Variants in LRP4 observed in about 807,000 individuals in gnomAD.
LRP4 encodes the protein LDL receptor related protein 4, also known as low-density lipoprotein receptor-related protein 4.
Under a neutral mutation model 220.3 loss-of-function variants are expected in LRP4, and 95 were observed. The observed-to-expected ratio is 0.43, with a 90% CI of 0.37 to 0.51. LRP4 has a LOEUF of 0.51. Ranked by LOEUF, LRP4 falls within the 20% of genes least tolerant of loss-of-function variation. LRP4 has a pLI of 0.00. For missense variants in LRP4, 1,925 were observed against 2,567.0 expected, an observed-to-expected ratio of 0.75 and a Z score of 5.40; for synonymous variants, 903 against 954.6, an observed-to-expected ratio of 0.95 and a Z score of 1.00.
chr11:46,899,308 C>G lies in LRP4; in HGVS notation c.547+79G>C. 8.4e-7 allele frequency: 1 copy of G among 1,193,882 alleles called. No individual in the cohort carries two copies. Among genetic ancestry groups the G allele is most frequent in the Non-Finnish European group, 1.3e-6 (1 of 799,734 alleles). The allele number at this position is 1,193,882 out of a possible 1,614,324, so 74.0% of individuals were successfully genotyped here. A position where few individuals can be genotyped will look rare whatever the true frequency, so the allele number is the denominator to read the frequency against. On this transcript the variant is annotated intron_variant, in intron 5 of 37. Coordinates refer to ENST00000378623, the MANE Select transcript of LRP4 (RefSeq NM_002334.4). This position sits in a 1 kb window ranked among gnomAD's most constrained non-coding sequence, Gnocchi z 5.9. ...GCTCCTTGCCCTTGGTACATGCACT[C>G]CTCAGCCTCGCCCTTAGCCAATGGG... is the stretch of plus-strand genomic sequence containing the variant.
intron 36 of LRP4, 125 bp from the exon 37 acceptor site, chr11:46,862,872 T>A: frequency 2.5e-6 from 2 of 799,348 alleles, no homozygotes; most frequent in East Asian, 2.7e-5. Context: ...TTCCTGGTAC[T>A]CATGCCCTTA....
Position 46,877,250 on chromosome 11 carries a change from T to C in LRP4, c.3226A>G (p.Ile1076Val), listed in dbSNP as rs1318172261. The C allele has an allele frequency of 6.2e-7, 1 of 1,613,798 alleles. No homozygotes were observed. The highest frequency in any genetic ancestry group is 1.3e-5 in the African/African-American group (1 of 74,876). Reference sequence around the variant, plus strand: ...ATGGTGTTCTTCATGGTAATGTTGATTGGTACCACCACATCAGCAAAATAA... The same window carrying C: ...ATGGTGTTCTTCATGGTAATGTTGACTGGTACCACCACATCAGCAAAATAA... ...IPYFADVVVP[I>V]NITMKNTIAI... Residue 1076 changes from isoleucine (I) to valine (V), a missense_variant, in exon 23 of 38, where the codon ATC becomes GTC. Coordinates refer to ENST00000378623, the MANE Select transcript of LRP4 (RefSeq NM_002334.4).
Position 46,868,017 on chromosome 11 carries a change from G to A in LRP4, c.5049C>T (p.Thr1683=), listed in dbSNP as rs1261623404. ...CCTCCAGAGACGTGCGGGTCCGGGT[G>A]GTTGAAGAATACAAGGTGGTAGGTG... ...NTPPTTLYSS[T]TRTRTSLEEV... Residue 1683 remains threonine (T), a synonymous_variant, in exon 34 of 38, where the codon ACC becomes ACT. Transcript: ENST00000378623. 9 of 1,614,032 alleles carry A rather than the reference G, an allele frequency of 5.6e-6. No individual in the cohort carries two copies. The highest frequency in any genetic ancestry group is 1.7e-5 in the Admixed American group (1 of 60,004).
chr11:46,901,115 C>A (rs1941657693), intron 2 of LRP4, among the ~76,000 whole-genome samples: 1 of 152,106 alleles, frequency 6.6e-6, no homozygotes, highest in Non-Finnish European at 1.5e-5. Context: ...GTTTTATAGT[C>A]CTTCCTTACT....
chr11:46,866,607 T>C (rs1027837796), intron 34 of LRP4, among the ~76,000 whole-genome samples: 3 of 152,126 alleles, frequency 2.0e-5, no homozygotes, highest in Non-Finnish European at 4.4e-5. Context: ...TTATAAAATA[T>C]AAATGGAAAA....
At chr11:46,908,172 C>T (rs1402354106) in intron 1 of LRP4, among the ~76,000 whole-genome samples, 5 of 152,100 alleles carry the variant, frequency 3.3e-5, no homozygotes, top group African/African-American at 9.7e-5. Context: ...CCTCATGATC[C>T]GCCCACCTCG....
intron 7 of LRP4, among the ~76,000 whole-genome samples, chr11:46,897,347 T>TC (rs397732269): frequency 1.3e-4 from 18 of 141,984 alleles, no homozygotes; most frequent in Admixed American, 8.1e-4. Flanking sequence ...TTTTTTTTTT[T>TC]CTTTTTATTT....
Position 46,889,990 on chromosome 11 carries a change from G to A in LRP4, c.2046C>T (p.His682=). The A allele has an allele frequency of 6.2e-7, 1 of 1,614,206 alleles. No homozygotes were observed. The highest frequency in any genetic ancestry group is 8.5e-7 in the Non-Finnish European group (1 of 1,180,046). ...GCAAGGTGTGGATGTCCATAGGGAA[G>A]TGGAGTTTGTTGCGAATGATTTCCT... ...KNQEIIRNKL[H]FPMDIHTLHP... is the part of the protein sequence containing the mutation. Residue 682 remains histidine (H), a synonymous_variant, in exon 15 of 38, where the codon CAC becomes CAT. Transcript: ENST00000378623.
intron 10 of LRP4, 22 bp downstream of exon 10, chr11:46,895,862 T>A (rs1223813207): frequency 6.2e-7 from 1 of 1,609,998 alleles, no homozygotes; most frequent in Non-Finnish European, 8.5e-7. Context: ...CCGACTCTGC[T>A]GCAAACCAGG....
At chr11:46,862,052 G>A (rs1479528423) in intron 37 of LRP4, among the ~76,000 whole-genome samples, 4 of 103,940 alleles carry the variant, frequency 3.8e-5, no homozygotes, top group Non-Finnish European at 7.0e-5. Flanking sequence ...TGGGCAACAA[G>A]AGCGAAACTC....
At position 46,879,310 on chromosome 11, in the gene LRP4, C is replaced by T; in HGVS notation, c.2820G>A (p.Leu940=). 9 of 1,614,056 alleles carry T rather than the reference C, an allele frequency of 5.6e-6. No individual in the cohort carries two copies. The highest frequency in any genetic ancestry group is 7.6e-6 in the Non-Finnish European group (9 of 1,180,034). ...ATGGGTGGGGGAGCTGGCTTCCAAT[C>T]AGCACCTGCCAGGGCCCCAACACTG... ...AGLDGSKRKV[L]IGSQLPHPFG... Residue 940 remains leucine (L), a synonymous_variant, in exon 21 of 38, where the codon CTG becomes CTA. Transcript: ENST00000378623.
At chr11:46,888,616 T>A (rs573912338) in intron 16 of LRP4, among the ~76,000 whole-genome samples, 1 of 148,044 alleles carries the variant, frequency 6.8e-6, no homozygotes, top group East Asian at 2.0e-4. Context: ...AGGTTCTTAG[T>A]TAATATGTGT....
chr11:46,862,688 G>A lies in LRP4; in HGVS notation c.5303C>T (p.Ser1768Phe). Residue 1768 changes from serine (S) to phenylalanine (F), a missense_variant, in exon 37 of 38, where the codon TCC becomes TTC. This residue lies in a region of LRP4 where 1,244 missense variants were observed against 1,624.9 expected (regional missense o/e 0.77). Coordinates refer to ENST00000378623, the MANE Select transcript of LRP4 (RefSeq NM_002334.4). ...CACTTCCTGTGTGGATGTTCGGTAGGAGGGGTTGCTGTAGGTGAGGTTCCC... is the reference window on the plus strand; with the variant it reads ...CACTTCCTGTGTGGATGTTCGGTAGAAGGGGTTGCTGTAGGTGAGGTTCCC... Reference protein sequence around the residue: ...GMGNLTYSNPSYRTSTQEVKI... With the variant: ...GMGNLTYSNPFYRTSTQEVKI... The A allele has an allele frequency of 1.2e-6, 2 of 1,613,966 alleles. No homozygotes were observed. Among genetic ancestry groups the A allele is most frequent in the Non-Finnish European group, 1.7e-6 (2 of 1,179,928 alleles).
In LRP4 at chr11:46,913,527, G is replaced by A. The variant is rs201326162; in HGVS notation, c.52+4801C>T. ...CTGACAGGCTTCCTGATTGAAAATG[G>A]TAGCTGCGAAGGCTCCACAACAGCC... On this transcript the variant is annotated intron_variant, in intron 1 of 37. Coordinates refer to ENST00000378623, the MANE Select transcript of LRP4 (RefSeq NM_002334.4). Among the ~76,000 whole-genome samples the A allele has an allele frequency of 2.6e-5, 4 of 152,196 alleles. No individual in the cohort carries two copies. In the East Asian group the frequency reaches 5.8e-4, roughly 22 times the overall value.
chr11:46,895,550 C>A (rs1207031297), intron 10 of LRP4, among the ~76,000 whole-genome samples: 1 of 152,074 alleles, frequency 6.6e-6, no homozygotes, highest in Non-Finnish European at 1.5e-5. Context: ...CACTGCACTC[C>A]AGCCTGGGCG....
intron 20 of LRP4, among the ~76,000 whole-genome samples, 196 bp from the exon 21 acceptor site, chr11:46,879,511 C>T (rs987035516): frequency 6.6e-6 from 1 of 152,206 alleles, no homozygotes. Context: ...CTCTAAGGGT[C>T]GTGTGATGGT....
At position 46,918,072 on chromosome 11, in the gene LRP4, G is replaced by A. The variant is rs1271858704; in HGVS notation, c.52+256C>T. 6.6e-6 allele frequency among the ~76,000 whole-genome samples: 1 copy of A among 152,108 alleles called. No homozygotes were observed. Among genetic ancestry groups the A allele is most frequent in the African/African-American group, 2.4e-5 (1 of 41,414 alleles). On this transcript the variant is annotated intron_variant, in intron 1 of 37. Coordinates refer to ENST00000378623, the MANE Select transcript of LRP4 (RefSeq NM_002334.4). This position sits in a 1 kb window ranked among gnomAD's most constrained non-coding sequence, Gnocchi z 6.0. ...GGAGGGCGAGCGAACGAACGCCCCG[G>A]ACCTTACCCGCGCCCCGGCCCAGAC... is the stretch of plus-strand genomic sequence containing the variant.
rs144147744 is a variant in LRP4, at chr11:46,880,605, G to A, written c.2814+1097C>T. On this transcript the variant is annotated intron_variant, in intron 20 of 37. Coordinates refer to ENST00000378623, the MANE Select transcript of LRP4 (RefSeq NM_002334.4). The stretch of plus-strand genomic sequence containing the variant: ...GGCACTACACTCCTGCCTGGGCCAC[G>A]GAGTGAGTGTCTAAAAATAAATAAA... Among the ~76,000 whole-genome samples the A allele has an allele frequency of 4.7e-3, 717 of 151,884 alleles. 5 individuals carry two copies. Among genetic ancestry groups the A allele is most frequent in the African/African-American group, 0.016 (682 of 41,422 alleles).
At chr11:46,876,869 G>T (rs377691337) in intron 23 of LRP4, 39 bp from the exon 24 acceptor site, 1 of 1,445,968 alleles carries the variant, frequency 6.9e-7, no homozygotes, top group Non-Finnish European at 9.7e-7. Flanking sequence ...GACCCTCACC[G>T]CCTACAATGG....
Sources: allele counts gnomAD v4.1 joint callset (sites outside exome capture counted in the v4.1 genomes callset), GRCh38; gene constraint gnomAD v4.1.1; regional missense constraint gnomAD v4.1.1; non-coding constraint Gnocchi (gnomAD v3.1); transcripts MANE v1.5; gene names NCBI Gene and HGNC (gene_info 2026-07-23, HGNC 2026-07-21).